CRIM1: variants seen among roughly 807,000 people sequenced by gnomAD.
CRIM1 encodes cysteine rich transmembrane BMP regulator 1, also known as cysteine-rich motor neuron 1 protein.
In CRIM1, 32 loss-of-function variants were observed where a neutral mutation model predicts 116.4. The ratio of observed to expected loss-of-function variants is 0.27; its 90% CI spans 0.21 to 0.37. The LOEUF (loss-of-function observed/expected upper bound fraction) is 0.37, where lower values mean the gene tolerates loss of function less well. CRIM1 is among the 10% of genes least tolerant of loss of function. The pLI, the probability that CRIM1 is intolerant of heterozygous loss-of-function variation, is 1.00. For synonymous variants in CRIM1, 590 were observed against 509.2 expected, an observed-to-expected ratio of 1.16 and a Z score of -2.13; for missense variants, 1,331 against 1,354.8, an observed-to-expected ratio of 0.98 and a Z score of 0.28.
intron 8 of CRIM1, among the ~76,000 whole-genome samples, chr2:36,500,098 A>G (rs76657246): frequency 0.055 from 8,350 of 152,156 alleles, 739 homozygotes; most frequent in African/African-American, 0.19. Flanking sequence ...AGGCTAAGGC[A>G]GGCAGATCAC....
At chr2:36,477,290 T>C (rs1165778265) in intron 6 of CRIM1, among the ~76,000 whole-genome samples, 1 of 152,138 alleles carries the variant, frequency 6.6e-6, no homozygotes, top group Non-Finnish European at 1.5e-5. Context: ...GTGTAGACAA[T>C]GGGTCACCTC....
chr2:36,460,241 A>G (rs1317434650), intron 4 of CRIM1, among the ~76,000 whole-genome samples: 3 of 152,232 alleles, frequency 2.0e-5, no homozygotes, highest in African/African-American at 7.2e-5. Flanking sequence ...TTTTCTGGTT[A>G]CTTGCAAATA....
At chr2:36,377,482 G>A (rs922139553) in intron 1 of CRIM1, among the ~76,000 whole-genome samples, 1 of 152,150 alleles carries the variant, frequency 6.6e-6, no homozygotes, top group East Asian at 1.9e-4. Context: ...CCAGCCTGGC[G>A]ACCTGGCATG....
chr2:36,462,333 C>T (rs149239068), intron 4 of CRIM1, among the ~76,000 whole-genome samples: 3 of 152,196 alleles, frequency 2.0e-5, no homozygotes, highest in Non-Finnish European at 4.4e-5. Flanking sequence ...AAGAAACTTG[C>T]ACTTGTACTC....
At chr2:36,380,855 G>C (rs10195419) in intron 1 of CRIM1, among the ~76,000 whole-genome samples, 63,035 of 152,084 alleles carry the variant, frequency 0.41, 13,546 homozygotes, top group South Asian at 0.55. Flanking sequence ...GATTAAGGAA[G>C]TGAGACCCAT....
intron 4 of CRIM1, among the ~76,000 whole-genome samples, chr2:36,445,180 A>G (rs1034269069): frequency 1.3e-5 from 2 of 152,128 alleles, no homozygotes. Context: ...AAAAGAATGA[A>G]TATTTTTAGT....
In CRIM1 at chr2:36,411,582, AAG is replaced by A. The variant is rs1236700261; in HGVS notation, c.505+14796_505+14797del. ...TGAATTTATATAGCTACATGTATAT[AAG>A]CACATATACATCCATGATGATATCA... On this transcript the variant is annotated intron_variant, in intron 2 of 16. Coordinates refer to ENST00000280527, the MANE Select transcript of CRIM1 (RefSeq NM_016441.3). 9.8e-5 allele frequency among the ~76,000 whole-genome samples: 15 copies of A among 152,322 alleles called. No individual in the cohort carries two copies. The East Asian group carries it at 2.7e-3, about 27-fold the overall frequency.
intron 4 of CRIM1, among the ~76,000 whole-genome samples, chr2:36,456,662 G>A (rs750468544): frequency 3.3e-5 from 5 of 152,128 alleles, no homozygotes; most frequent in South Asian, 2.1e-4. Flanking sequence ...GTGTGATATC[G>A]GATTGTTGAG....
At chr2:36,506,181 T>TCTCTCA (rs1277640169) in intron 8 of CRIM1, among the ~76,000 whole-genome samples, 13 of 120,960 alleles carry the variant, frequency 1.1e-4, no homozygotes, top group Middle Eastern at 4.2e-3. Context: ...TCTCTCTCTC[T>TCTCTCA]CACACACACA....
intron 14 of CRIM1, among the ~76,000 whole-genome samples, chr2:36,540,711 G>A (rs111513488): frequency 0.028 from 4,297 of 152,270 alleles, 80 homozygotes; most frequent in Middle Eastern, 0.078. Context: ...AGATGTTTTG[G>A]GGTAACCTTT....
chr2:36,446,497 C>A (rs1676253796), intron 4 of CRIM1, among the ~76,000 whole-genome samples: 1 of 152,158 alleles, frequency 6.6e-6, no homozygotes, highest in African/African-American at 2.4e-5. Context: ...ATAGGCTCTT[C>A]CTTATTTCCT....
chr2:36,482,143 C>G (rs1370495661), intron 7 of CRIM1, among the ~76,000 whole-genome samples: 2 of 152,120 alleles, frequency 1.3e-5, no homozygotes, highest in African/African-American at 4.8e-5. Context: ...TTTTTCCTCT[C>G]TGTCTCTTTC....
chr2:36,488,962 C>T (rs1354260774), intron 7 of CRIM1, among the ~76,000 whole-genome samples: 1 of 152,128 alleles, frequency 6.6e-6, no homozygotes, highest in East Asian at 1.9e-4. Flanking sequence ...TCGACCAGCA[C>T]CAGAACTCAA....
At chr2:36,508,291 A>T (rs1325288920) in intron 8 of CRIM1, among the ~76,000 whole-genome samples, 1 of 152,226 alleles carries the variant, frequency 6.6e-6, no homozygotes, top group Non-Finnish European at 1.5e-5. Context: ...TTCTTAAAAG[A>T]TAGCAAATTA....
rs375094975 is a variant in CRIM1 at position 36,374,569 on chromosome 2, C to G, written c.331+17946C>G. 1.4e-4 allele frequency among the ~76,000 whole-genome samples: 22 copies of G among 152,214 alleles called. No individual in the cohort carries two copies. The East Asian group carries it at 1.9e-3, about 13-fold the overall frequency. The stretch of plus-strand genomic sequence containing the variant: ...CAAATACATTGTCCTATGTTGCTAC[C>G]TTGTCTTCATTATTATGATTTGTCA... On this transcript the variant is annotated intron_variant, in intron 1 of 16. Transcript: ENST00000280527.
chr2:36,464,538 G>C lies in CRIM1; in HGVS notation c.874G>C (p.Glu292Gln), dbSNP rs372989532. The change falls in exon 5 of 17, where the codon GAG (glutamate) becomes CAG (glutamine). Residue 292 changes from glutamate to glutamine, a missense_variant. Around this residue, in one of 3 missense-constraint regions of CRIM1, gnomAD observed 690 missense variants for 676.0 expected, o/e 1.02. Coordinates refer to ENST00000280527, the MANE Select transcript of CRIM1 (RefSeq NM_016441.3). ...TTCCCTTTTCTTTGGTTTCAGATGCGAGTGTCTCTCTGGCTTATGTGGTTT... is the reference window on the plus strand; with the variant it reads ...TTCCCTTTTCTTTGGTTTCAGATGCCAGTGTCTCTCTGGCTTATGTGGTTT... ...DGCCTLPTRC[E>Q]CLSGLCGFPV... The C allele has an allele frequency of 6.2e-7, 1 of 1,613,986 alleles. No individual in the cohort carries two copies. The highest frequency in any genetic ancestry group is 1.1e-5 in the South Asian group (1 of 91,066).
chr2:36,446,021 G>A (rs1676217855), intron 4 of CRIM1, among the ~76,000 whole-genome samples: 1 of 152,168 alleles, frequency 6.6e-6, no homozygotes, highest in African/African-American at 2.4e-5. Flanking sequence ...TGATTATGTG[G>A]AGAAATCAGG....
rs556203165 is a variant in CRIM1, at chr2:36,466,046, C to T, written c.991+1391C>T. ...GACTACAGGCGCCCGCCACCACACG[C>T]GGCTAATTTTTTTGTATTTTTAGTA... On this transcript the variant is annotated intron_variant, in intron 5 of 16. Transcript: ENST00000280527. 9.0e-3 allele frequency among the ~76,000 whole-genome samples: 423 copies of T among 47,230 alleles called. 3 individuals are homozygous for T. The highest frequency in any genetic ancestry group is 0.023 in the African/African-American group (400 of 17,772). The allele number at this position is 47,230 out of a possible 152,430, so 31.0% of individuals were successfully genotyped here.
intron 15 of CRIM1, among the ~76,000 whole-genome samples, chr2:36,545,441 A>G (rs1247369534): frequency 6.6e-6 from 1 of 152,180 alleles, no homozygotes; most frequent in Non-Finnish European, 1.5e-5. Flanking sequence ...ACATACTGTA[A>G]GTACGACTAT....
Sources: gnomAD v4.1 joint callset for allele counts (sites outside exome capture counted in the v4.1 genomes callset) on GRCh38, gnomAD v4.1.1 for gene constraint, gnomAD v4.1.1 regional missense constraint, MANE v1.5 for transcripts, NCBI Gene and HGNC (gene_info 2026-07-23, HGNC 2026-07-21) for gene names.